The following PIBF1 variants were observed in gnomAD, a reference collection of about 807,000 sequenced individuals.
PIBF1 encodes progesterone immunomodulatory binding factor 1, also known as progesterone-induced-blocking factor 1.
A neutral mutation model predicts 112.5 loss-of-function variants in PIBF1; 90 were observed. The observed-to-expected ratio is 0.80, with a 90% CI of 0.67 to 0.95. PIBF1 has a LOEUF of 0.95. PIBF1 is among the 40% of genes least tolerant of loss of function. The probability of loss-of-function intolerance (pLI) is 0.00; values close to 1 mark genes in which losing one functional copy is unlikely to be tolerated. For synonymous variants in PIBF1, 301 were observed against 288.6 expected (o/e 1.04, Z -0.44); for missense variants, 915 against 852.3 (o/e 1.07, Z -0.92).
rs751380401 is a variant in PIBF1 at position 72,827,771 on chromosome 13, G to A, written c.954G>A (p.Lys318=). The A allele has an allele frequency of 6.6e-5, 105 of 1,596,952 alleles. No homozygotes were observed. Among genetic ancestry groups the A allele is most frequent in the Non-Finnish European group, 8.9e-5 (104 of 1,171,954 alleles). The change falls in exon 8 of 18, where the codon AAG becomes AAA. Residue 318 remains lysine, a synonymous_variant. Transcript: ENST00000326291. ...AGCAAACTGTTACTTTACTGCAAAA[G>A]GATAAAGAATATCTTAATCGCCAAA... ...TLEQTVTLLQ[K]DKEYLNRQNM... is the part of the protein sequence containing the mutation.
intron 1 of PIBF1, among the ~76,000 whole-genome samples, 183 bp downstream of exon 1, chr13:72,782,532 G>A (rs2034326119): frequency 6.6e-6 from 1 of 152,100 alleles, no homozygotes; most frequent in Non-Finnish European, 1.5e-5. Context: ...CAAAAAGAAG[G>A]AGGGAGGCCG....
chr13:72,947,086 A>C (rs1399420773), intron 14 of PIBF1, among the ~76,000 whole-genome samples: 1 of 152,214 alleles, frequency 6.6e-6, no homozygotes, highest in Non-Finnish European at 1.5e-5. Context: ...CTGCCCCTGC[A>C]GCAAACTTCT....
At chr13:72,840,073 A>C (rs2037538445) in intron 9 of PIBF1, among the ~76,000 whole-genome samples, 1 of 152,162 alleles carries the variant, frequency 6.6e-6, no homozygotes, top group Non-Finnish European at 1.5e-5. Flanking sequence ...GATGAATTTG[A>C]ATTTCACAGG....
At chr13:72,926,693 C>T (rs1417568190) in intron 13 of PIBF1, among the ~76,000 whole-genome samples, 3 of 152,228 alleles carry the variant, frequency 2.0e-5, no homozygotes, top group Non-Finnish European at 4.4e-5. Flanking sequence ...GATCTATACT[C>T]TACTACTTAG....
At position 72,971,190 on chromosome 13, in the gene PIBF1, GTGTGTGTGTGTGTGTA is replaced by G. The variant is rs962462125; in HGVS notation, c.1965-2385_1965-2370del. On this transcript the variant is annotated intron_variant, in intron 15 of 17. Coordinates refer to ENST00000326291, the MANE Select transcript of PIBF1 (RefSeq NM_006346.4). ...GGTATTTGAAACAGAGAGTGAGTGT[GTGTGTGTGTGTGTGTA>G]TGTGTGTGTGTGTGTGTATGCACTG... Among the ~76,000 whole-genome samples, 118 of 114,138 alleles carry G rather than the reference GTGTGTGTGTGTGTGTA, an allele frequency of 1.0e-3. 1 individual carries two copies. Among genetic ancestry groups the G allele is most frequent in the South Asian group, 9.7e-3 (36 of 3,728 alleles). The allele number at this position is 114,138 out of a possible 152,430, so 74.9% of individuals were successfully genotyped here.
chr13:72,917,838 A>G lies in PIBF1; in HGVS notation c.1730+672A>G, dbSNP rs541889360. Among the ~76,000 whole-genome samples, 4 of 152,306 alleles carry G rather than the reference A, an allele frequency of 2.6e-5. No homozygotes were observed. The East Asian group carries it at 7.7e-4, about 29-fold the overall frequency. On this transcript the variant is annotated intron_variant, in intron 13 of 17. Coordinates refer to ENST00000326291, the MANE Select transcript of PIBF1 (RefSeq NM_006346.4). ...TAGCATTTACATTTTGTTAGGTATT[A>G]TAAGTAATCTAGAGATGATTTAAAG...
chr13:72,807,778 A>G (rs887354148), intron 5 of PIBF1, among the ~76,000 whole-genome samples: 3 of 152,206 alleles, frequency 2.0e-5, no homozygotes, highest in African/African-American at 7.2e-5. Flanking sequence ...CAAAATTAGC[A>G]TGTTCAAAAT....
intron 10 of PIBF1, chr13:72,881,244 A>G (rs988250318): frequency 3.3e-5 from 5 of 152,298 alleles, no homozygotes; most frequent in African/African-American, 1.2e-4. Context: ...TGGAAAACCT[A>G]AAGACTCCAC....
intron 2 of PIBF1, among the ~76,000 whole-genome samples, chr13:72,788,471 G>A (rs761639225): frequency 1.6e-4 from 24 of 152,298 alleles, no homozygotes; most frequent in Admixed American, 1.4e-3. Flanking sequence ...CTCCTTGATC[G>A]CATTAGGAAC....
At chr13:72,967,194 G>A (rs929358031) in intron 15 of PIBF1, among the ~76,000 whole-genome samples, 5 of 152,082 alleles carry the variant, frequency 3.3e-5, no homozygotes, top group Middle Eastern at 6.8e-3. Flanking sequence ...TCGGCCTCCC[G>A]AAGTGCTAGG....
chr13:72,941,695 C>T (rs1253136668), intron 14 of PIBF1, among the ~76,000 whole-genome samples: 1 of 152,128 alleles, frequency 6.6e-6, no homozygotes, highest in Non-Finnish European at 1.5e-5. Context: ...GAAGGCATTG[C>T]TAGATTTGAA....
In PIBF1 at chr13:72,854,054, T is replaced by C; in HGVS notation, c.1224-3T>C. ...ATAACTGAAATCCATGTTTAAAATT[T>C]AGAAATCTCCGAGAAGCAAGGGATA... On this transcript the variant is annotated splice_region_variant and splice_polypyrimidine_tract_variant and intron_variant, in intron 9 of 17. Coordinates refer to ENST00000326291, the MANE Select transcript of PIBF1 (RefSeq NM_006346.4). The C allele has an allele frequency of 6.3e-7, 1 of 1,594,942 alleles. No homozygotes were observed. The highest frequency in any genetic ancestry group is 8.6e-7 in the Non-Finnish European group (1 of 1,163,204).
chr13:72,922,905 A>G lies in PIBF1; in HGVS notation c.1730+5739A>G, dbSNP rs138250236. 7.4e-3 allele frequency among the ~76,000 whole-genome samples: 1,133 copies of G among 152,290 alleles called. 20 individuals carry two copies. Among genetic ancestry groups the G allele is most frequent in the African/African-American group, 0.026 (1,091 of 41,560 alleles). ...GCGACAGTCTCATGTAACTACAGAT[A>G]ATCAGCATGAGATCACTGTTTAGTC... On this transcript the variant is annotated intron_variant, in intron 13 of 17. Coordinates refer to ENST00000326291, the MANE Select transcript of PIBF1 (RefSeq NM_006346.4).
At chr13:72,996,976 A>G (rs1027363608) in intron 16 of PIBF1, among the ~76,000 whole-genome samples, 2 of 152,168 alleles carry the variant, frequency 1.3e-5, no homozygotes, top group African/African-American at 4.8e-5. Flanking sequence ...AACTGCTAAT[A>G]TTTTTTGTAC....
chr13:72,879,753 G>T (rs897336396), intron 10 of PIBF1, among the ~76,000 whole-genome samples: 1 of 152,128 alleles, frequency 6.6e-6, no homozygotes, highest in Non-Finnish European at 1.5e-5. Flanking sequence ...TGGACAGCCT[G>T]CAAGCTAAGA....
chr13:72,831,183 A>G (rs1276960294), intron 8 of PIBF1, among the ~76,000 whole-genome samples: 1 of 149,384 alleles, frequency 6.7e-6, no homozygotes, highest in Non-Finnish European at 1.5e-5. Flanking sequence ...CTAGCAGTCT[A>G]TCTATTTTGT....
intron 7 of PIBF1, 78 bp from the exon 8 acceptor site, chr13:72,827,651 TGAAG>T (rs2036882098): frequency 1.2e-6 from 1 of 829,124 alleles, no homozygotes; most frequent in South Asian, 3.5e-5. Context: ...AATGAAAACA[TGAAG>T]GAAAGAAATT....
chr13:73,010,639 G>C (rs1412158033), intron 17 of PIBF1, among the ~76,000 whole-genome samples: 3 of 151,648 alleles, frequency 2.0e-5, no homozygotes, highest in Non-Finnish European at 4.4e-5. Context: ...TGGCATACAT[G>C]TTCTTCTATG....
At chr13:72,989,859 C>G (rs1366180305) in intron 16 of PIBF1, among the ~76,000 whole-genome samples, 1 of 152,042 alleles carries the variant, frequency 6.6e-6, no homozygotes, top group Admixed American at 6.6e-5. Context: ...AAAGTGGGGA[C>G]TCAGTATTCT....
Sources: gnomAD v4.1 joint callset for allele counts (sites outside exome capture counted in the v4.1 genomes callset) on GRCh38, gnomAD v4.1.1 for gene constraint, MANE v1.5 for transcripts, NCBI Gene and HGNC (gene_info 2026-07-23, HGNC 2026-07-21) for gene names.